DPP10: variants seen among roughly 807,000 people sequenced by gnomAD.
DPP10 encodes the protein inactive dipeptidyl peptidase 10.
DPP10 carries 33 observed loss-of-function variants against 120.9 expected under a neutral mutation model. The observed-to-expected ratio is 0.27, with a 90% CI of 0.21 to 0.37. The LOEUF is 0.37. Ranked by LOEUF, DPP10 falls within the 10% of genes least tolerant of loss-of-function variation. DPP10 has a pLI of 1.00. For synonymous variants in DPP10, 337 were observed against 326.1 expected (o/e 1.03, Z -0.36); for missense variants, 816 against 942.8 (o/e 0.87, Z 1.76).
rs189964735 is a variant in DPP10, at chr2:114,769,967, C to T, written c.60+327129C>T. Among the ~76,000 whole-genome samples the T allele has an allele frequency of 9.8e-4, 149 of 152,236 alleles. 1 individual carries two copies. The highest frequency in any genetic ancestry group is 1.2e-3 in the Non-Finnish European group (84 of 68,024). ...TGCTGACTCCACGCCTGACACAGAC[C>T]GAAACACTAACTGATCTCAATTTCA... On this transcript the variant is annotated intron_variant, in intron 1 of 25. Coordinates refer to ENST00000410059, the MANE Select transcript of DPP10 (RefSeq NM_020868.6).
At chr2:115,080,887 G>A (rs904582388) in intron 1 of DPP10, among the ~76,000 whole-genome samples, 1 of 152,096 alleles carries the variant, frequency 6.6e-6, no homozygotes, top group East Asian at 1.9e-4. Context: ...TTCCTGAAAT[G>A]TTCTCTAGAT....
chr2:114,917,306 A>C (rs1268109804), intron 1 of DPP10, among the ~76,000 whole-genome samples: 1 of 152,190 alleles, frequency 6.6e-6, no homozygotes, highest in Non-Finnish European at 1.5e-5. Context: ...AACAGTCCTG[A>C]AAGAATTCAG....
At chr2:115,088,375 A>G (rs1240452720) in intron 1 of DPP10, among the ~76,000 whole-genome samples, 1 of 152,212 alleles carries the variant, frequency 6.6e-6, no homozygotes, top group East Asian at 1.9e-4. Context: ...ATTATCTGAG[A>G]AAAACAAAAA....
At chr2:114,915,549 C>T (rs1322889064) in intron 1 of DPP10, among the ~76,000 whole-genome samples, 1 of 152,164 alleles carries the variant, frequency 6.6e-6, no homozygotes, top group Non-Finnish European at 1.5e-5. Context: ...TATACATTCT[C>T]ATCTGCATAT....
At chr2:115,133,301 C>T (rs1210188784) in intron 1 of DPP10, among the ~76,000 whole-genome samples, 2 of 147,664 alleles carry the variant, frequency 1.4e-5, no homozygotes, top group Non-Finnish European at 3.0e-5. Flanking sequence ...CCGTCTAAAA[C>T]AAAAAGCAAA....
intron 1 of DPP10, among the ~76,000 whole-genome samples, chr2:114,668,682 G>A (rs1698114121): frequency 6.6e-6 from 1 of 152,092 alleles, no homozygotes; most frequent in Non-Finnish European, 1.5e-5. Context: ...ACCACCAACT[G>A]TTGATATGGG....
intron 19 of DPP10, among the ~76,000 whole-genome samples, chr2:115,792,517 AG>A (rs1684098785): frequency 1.3e-5 from 2 of 152,082 alleles, no homozygotes; most frequent in Non-Finnish European, 2.9e-5. Context: ...AGCTTTATAT[AG>A]TTTCTCATAT....
chr2:114,673,707 C>T (rs1175187459), intron 1 of DPP10, among the ~76,000 whole-genome samples: 1 of 151,966 alleles, frequency 6.6e-6, no homozygotes, highest in Non-Finnish European at 1.5e-5. Context: ...CTGCCTGTCT[C>T]GGCCTCCCAA....
intron 5 of DPP10, among the ~76,000 whole-genome samples, chr2:115,627,270 A>G (rs1021157637): frequency 2.8e-4 from 43 of 152,270 alleles, no homozygotes; most frequent in African/African-American, 9.9e-4. Context: ...ATGACAGAAT[A>G]TAACACCTGA....
intron 4 of DPP10, among the ~76,000 whole-genome samples, chr2:115,499,841 G>A (rs965167003): frequency 2.0e-5 from 3 of 151,956 alleles, no homozygotes; most frequent in Non-Finnish European, 4.4e-5. Flanking sequence ...TCCAAAAATA[G>A]TAGTTGCTTA....
At chr2:114,844,407 A>G (rs963207915) in intron 1 of DPP10, among the ~76,000 whole-genome samples, 2 of 151,072 alleles carry the variant, frequency 1.3e-5, no homozygotes, top group Non-Finnish European at 2.9e-5. Context: ...AAAACTAGAG[A>G]TCTTTTTGAC....
chr2:114,972,052 T>C (rs958618300), intron 1 of DPP10, among the ~76,000 whole-genome samples: 5 of 152,226 alleles, frequency 3.3e-5, no homozygotes, highest in Non-Finnish European at 5.9e-5. Flanking sequence ...GATTATTTTC[T>C]GTTTTGTTAA....
intron 2 of DPP10, among the ~76,000 whole-genome samples, chr2:115,311,892 A>G (rs1215349611): frequency 2.0e-5 from 3 of 151,952 alleles, no homozygotes; most frequent in Non-Finnish European, 4.4e-5. Flanking sequence ...CAGCCTCCTG[A>G]GTAGCTGGGA....
At position 115,772,421 on chromosome 2, in the gene DPP10, T is replaced by C. The variant is rs114351553; in HGVS notation, c.1221+4017T>C. On this transcript the variant is annotated intron_variant, in intron 13 of 25. Transcript: ENST00000410059. ...ATTTCTAAGCCCTAATATATGTATT[T>C]CCAGATCACTTTCAGTATGAATATA... is the stretch of plus-strand genomic sequence containing the variant. 3.7e-3 allele frequency among the ~76,000 whole-genome samples: 566 copies of C among 152,296 alleles called. 2 individuals are homozygous for C. Among genetic ancestry groups the C allele is most frequent in the African/African-American group, 0.011 (455 of 41,572 alleles).
chr2:114,461,150 T>C (rs1231031363), intron 1 of DPP10, among the ~76,000 whole-genome samples: 1 of 152,158 alleles, frequency 6.6e-6, no homozygotes, highest in African/African-American at 2.4e-5. Flanking sequence ...TTATTCAATC[T>C]CTTTAAAGTC....
intron 1 of DPP10, among the ~76,000 whole-genome samples, chr2:114,504,181 GT>G (rs1453744248): frequency 6.6e-6 from 1 of 152,068 alleles, no homozygotes; most frequent in African/African-American, 2.4e-5. Flanking sequence ...TTAGAATTTT[GT>G]TGACATACAC....
At chr2:114,803,888 G>C (rs1278514895) in intron 1 of DPP10, among the ~76,000 whole-genome samples, 7 of 152,198 alleles carry the variant, frequency 4.6e-5, no homozygotes, top group Non-Finnish European at 1.0e-4. Context: ...AAGTAGCAAG[G>C]AGCCTAATGT....
At chr2:114,659,904 AGT>A (rs1271438036) in intron 1 of DPP10, among the ~76,000 whole-genome samples, 3 of 152,214 alleles carry the variant, frequency 2.0e-5, no homozygotes, top group South Asian at 2.1e-4. Flanking sequence ...CGTAATATCA[AGT>A]GTTGCCAGCA....
intron 1 of DPP10, among the ~76,000 whole-genome samples, chr2:114,847,777 G>A (rs1222132934): frequency 6.6e-6 from 1 of 151,890 alleles, no homozygotes; most frequent in Non-Finnish European, 1.5e-5. Context: ...TTTTGTAAAG[G>A]CATTAGTTTC....
Sources: gnomAD v4.1 joint callset for allele counts (sites outside exome capture counted in the v4.1 genomes callset) on GRCh38, gnomAD v4.1.1 for gene constraint, MANE v1.5 for transcripts, NCBI Gene and HGNC (gene_info 2026-07-23, HGNC 2026-07-21) for gene names.